Variants in GRID2 observed in about 807,000 individuals in gnomAD.
GRID2 encodes the protein glutamate ionotropic receptor delta type subunit 2, also known as glutamate receptor ionotropic, delta-2.
GRID2 carries 33 observed loss-of-function variants against 114.8 expected under a neutral mutation model. That is an observed-to-expected ratio of 0.29 (90% CI 0.22 to 0.38). The LOEUF (loss-of-function observed/expected upper bound fraction) is 0.38. GRID2 is among the 10% of genes least tolerant of loss of function. The pLI, the probability that GRID2 is intolerant of heterozygous loss-of-function variation, is 1.00. For missense variants in GRID2, 1,184 were observed against 1,257.7 expected (o/e 0.94, Z 0.89); for synonymous variants, 505 against 449.9 (o/e 1.12, Z -1.55).
chr4:93,593,598 G>T (rs1578344686), intron 13 of GRID2, among the ~76,000 whole-genome samples: 2 of 149,840 alleles, frequency 1.3e-5, no homozygotes, highest in East Asian at 4.0e-4. Flanking sequence ...CTGAACGTTG[G>T]CCTGCCTTGC....
At chr4:92,893,656 A>G (rs759458949) in intron 2 of GRID2, among the ~76,000 whole-genome samples, 11 of 152,214 alleles carry the variant, frequency 7.2e-5, no homozygotes, top group Admixed American at 2.6e-4. Flanking sequence ...TTGGGTGTAA[A>G]GAGATAATTA....
intron 2 of GRID2, among the ~76,000 whole-genome samples, chr4:92,892,166 C>G (rs1377082015): frequency 1.3e-5 from 2 of 151,896 alleles, no homozygotes; most frequent in African/African-American, 4.8e-5. Flanking sequence ...AGGGTTCAAG[C>G]AATTCTCTTG....
At chr4:92,587,018 T>G (rs1413430480) in intron 1 of GRID2, among the ~76,000 whole-genome samples, 2 of 151,792 alleles carry the variant, frequency 1.3e-5, no homozygotes, top group African/African-American at 4.8e-5. Flanking sequence ...TCAGGAGGTG[T>G]TCCTTTCCTG....
At chr4:93,159,775 A>T (rs552264822) in intron 4 of GRID2, among the ~76,000 whole-genome samples, 1 of 144,424 alleles carries the variant, frequency 6.9e-6, no homozygotes, top group Non-Finnish European at 1.5e-5. Context: ...ATTTAGTATT[A>T]TCAGTACAAA....
At chr4:92,315,993 CAAA>C (rs778361565) in intron 1 of GRID2, among the ~76,000 whole-genome samples, 1 of 61,916 alleles carries the variant, frequency 1.6e-5, no homozygotes, top group Non-Finnish European at 3.1e-5. Context: ...AAACAAAAAG[CAAA>C]AAAAAAAAAA....
chr4:92,446,121 A>G lies in GRID2; in HGVS notation c.88+141377A>G, dbSNP rs528364896. On this transcript the variant is annotated intron_variant, in intron 1 of 15. Coordinates refer to ENST00000282020, the MANE Select transcript of GRID2 (RefSeq NM_001510.4). ...TCACCATGCCCTGTCTAATTTTTGT[A>G]TTTTTAGTAGAGACGGGGTTTCACT... is the stretch of plus-strand genomic sequence containing the variant. Among the ~76,000 whole-genome samples, 4 of 152,110 alleles carry G rather than the reference A, an allele frequency of 2.6e-5. No homozygotes were observed. The South Asian group carries it at 8.3e-4, about 32-fold the overall frequency.
In GRID2 at chr4:93,711,588, T is replaced by C. The variant is rs1279456383; in HGVS notation, c.2361-57622T>C. 3.3e-5 allele frequency among the ~76,000 whole-genome samples: 5 copies of C among 152,130 alleles called. No individual in the cohort carries two copies. In the East Asian group the frequency reaches 5.8e-4, roughly 18 times the overall value. On this transcript the variant is annotated intron_variant, in intron 14 of 15. Coordinates refer to ENST00000282020, the MANE Select transcript of GRID2 (RefSeq NM_001510.4). ...AAGTTCTGACCAGTGGGATGGATGA[T>C]TCCCCTCTGGCTAGGGATGGTCTAA...
intron 2 of GRID2, among the ~76,000 whole-genome samples, chr4:92,852,643 C>A (rs1470393486): frequency 6.6e-6 from 1 of 151,858 alleles, no homozygotes; most frequent in African/African-American, 2.4e-5. Flanking sequence ...TAAACTCTCC[C>A]AGGCCACAGA....
chr4:92,914,268 A>G (rs1748617527), intron 2 of GRID2, among the ~76,000 whole-genome samples: 1 of 152,116 alleles, frequency 6.6e-6, no homozygotes, highest in African/African-American at 2.4e-5. Context: ...TCAATAGTCT[A>G]TTGGGTAAAA....
chr4:93,328,640 T>C (rs1319500563), intron 8 of GRID2, among the ~76,000 whole-genome samples: 1 of 152,088 alleles, frequency 6.6e-6, no homozygotes, highest in Non-Finnish European at 1.5e-5. Flanking sequence ...AAAGTTTTGG[T>C]TTTATTTTAT....
chr4:92,637,656 T>C (rs1731138238), intron 2 of GRID2, among the ~76,000 whole-genome samples: 1 of 152,006 alleles, frequency 6.6e-6, no homozygotes, highest in African/African-American at 2.4e-5. Flanking sequence ...AGCAAGGATA[T>C]TGAACTCCTA....
intron 2 of GRID2, among the ~76,000 whole-genome samples, chr4:92,768,897 G>A (rs1047076891): frequency 2.0e-5 from 3 of 152,124 alleles, no homozygotes; most frequent in African/African-American, 7.2e-5. Flanking sequence ...AGATTTGCGT[G>A]GGGACACATA....
chr4:93,451,040 A>G (rs998716077), intron 10 of GRID2, among the ~76,000 whole-genome samples: 5 of 152,048 alleles, frequency 3.3e-5, no homozygotes, highest in African/African-American at 4.8e-5. Context: ...AAGATGGAAG[A>G]GATTTATAAT....
chr4:92,636,287 T>C (rs991641384), intron 2 of GRID2, among the ~76,000 whole-genome samples: 1 of 150,972 alleles, frequency 6.6e-6, no homozygotes, highest in Non-Finnish European at 1.5e-5. Context: ...CAGGGTGACA[T>C]AGTATAGAAG....
chr4:92,920,949 A>C (rs911168792), intron 2 of GRID2, among the ~76,000 whole-genome samples: 1 of 152,128 alleles, frequency 6.6e-6, no homozygotes, highest in Non-Finnish European at 1.5e-5. Flanking sequence ...GTGTTTTCCA[A>C]CTTGGTTCCA....
chr4:93,330,525 T>C (rs1005187693), intron 8 of GRID2, among the ~76,000 whole-genome samples: 4 of 152,194 alleles, frequency 2.6e-5, no homozygotes, highest in African/African-American at 9.6e-5. Flanking sequence ...GTATTTGTTT[T>C]AACACATATT....
At chr4:92,759,364 CACATACTTTCT>C (rs1277431998) in intron 2 of GRID2, among the ~76,000 whole-genome samples, 4 of 152,028 alleles carry the variant, frequency 2.6e-5, no homozygotes, top group African/African-American at 9.7e-5. Flanking sequence ...TATATTGACT[CACATACTTTCT>C]AATTTTTTTT....
intron 8 of GRID2, among the ~76,000 whole-genome samples, chr4:93,338,878 C>T (rs926072746): frequency 2.6e-5 from 4 of 152,088 alleles, no homozygotes; most frequent in African/African-American, 7.2e-5. Flanking sequence ...TGTGAAGGCT[C>T]CTCCCTCACA....
At chr4:92,411,655 G>GTATATA (rs70940887) in intron 1 of GRID2, among the ~76,000 whole-genome samples, 71 of 84,690 alleles carry the variant, frequency 8.4e-4, no homozygotes, top group Middle Eastern at 6.5e-3. Context: ...GTGTGTGTGT[G>GTATATA]TATATATATA....
Sources: allele counts gnomAD v4.1 joint callset (sites outside exome capture counted in the v4.1 genomes callset), GRCh38; gene constraint gnomAD v4.1.1; transcripts MANE v1.5; gene names NCBI Gene and HGNC (gene_info 2026-07-23, HGNC 2026-07-21).